MSANTD4: variants seen among roughly 807,000 people sequenced by gnomAD.
The protein encoded by MSANTD4 is myb/SANT-like DNA-binding domain-containing protein 4.
Under a neutral mutation model 34.3 loss-of-function variants are expected in MSANTD4, and 13 were observed. That is an observed-to-expected ratio of 0.38 (90% CI 0.25 to 0.60). MSANTD4 has a LOEUF of 0.60. MSANTD4 is among the 20% of genes least tolerant of loss of function. MSANTD4 has a pLI of 0.63. For missense variants in MSANTD4, 358 were observed against 401.8 expected, an observed-to-expected ratio of 0.89 and a Z score of 0.93; for synonymous variants, 137 against 145.2, an observed-to-expected ratio of 0.94 and a Z score of 0.41.
intron 1 of MSANTD4, among the ~76,000 whole-genome samples, chr11:106,013,427 T>C (rs1312260398): frequency 1.3e-5 from 2 of 152,224 alleles, no homozygotes; most frequent in Non-Finnish European, 2.9e-5. Flanking sequence ...GATACCAGCC[T>C]TTCTATTTAT....
At chr11:106,013,329 C>T (rs1014710983) in intron 1 of MSANTD4, among the ~76,000 whole-genome samples, 1 of 152,128 alleles carries the variant, frequency 6.6e-6, no homozygotes, top group African/African-American at 2.4e-5. Context: ...TGACCTTAAA[C>T]TTTTCCTGTC....
At chr11:106,018,830 A>C (rs1859938744) in intron 1 of MSANTD4, among the ~76,000 whole-genome samples, 1 of 152,232 alleles carries the variant, frequency 6.6e-6, no homozygotes, top group Admixed American at 6.5e-5. Flanking sequence ...TAAGAAGAAA[A>C]GGACTGCTCT....
intron 1 of MSANTD4, among the ~76,000 whole-genome samples, chr11:106,016,183 A>C (rs890905775): frequency 6.6e-6 from 1 of 152,186 alleles, no homozygotes; most frequent in Non-Finnish European, 1.5e-5. Flanking sequence ...ATTTTAGAGG[A>C]TCACATTTAA....
chr11:106,016,988 C>A (rs1859869936), intron 1 of MSANTD4, among the ~76,000 whole-genome samples: 1 of 152,196 alleles, frequency 6.6e-6, no homozygotes, highest in African/African-American at 2.4e-5. Flanking sequence ...TTCCAAAATA[C>A]ACAGAATGTT....
rs191670839 is a variant in MSANTD4 at position 106,008,135 on chromosome 11, C to T, written c.*1400G>A. ...AAAGCTACGTATCAACCTTGAAAAT[C>T]AGAAAACACAAAGTGATCTAGTGCA... On this transcript the variant is annotated 3_prime_UTR_variant, in exon 3 of 3. Transcript: ENST00000301919. 1 of 152,684 alleles carries T rather than the reference C, an allele frequency of 6.5e-6. No homozygotes were observed. Among genetic ancestry groups the T allele is most frequent in the East Asian group, 1.9e-4 (1 of 5,180 alleles). 9.5% of individuals were successfully genotyped at this position (152,684 alleles called of 1,614,324 possible).
intron 1 of MSANTD4, among the ~76,000 whole-genome samples, chr11:106,015,913 G>T (rs1391777777): frequency 6.6e-6 from 1 of 151,990 alleles, no homozygotes; most frequent in Admixed American, 6.6e-5. Flanking sequence ...CCCCAGACTG[G>T]AGTACAGTGG....
At chr11:106,011,360 A>G (rs902085700) in intron 1 of MSANTD4, among the ~76,000 whole-genome samples, 1 of 152,072 alleles carries the variant, frequency 6.6e-6, no homozygotes, top group African/African-American at 2.4e-5. Flanking sequence ...TGCACTGGCC[A>G]TCTTTCAGCC....
chr11:106,017,743 A>T (rs1859894588), intron 1 of MSANTD4, among the ~76,000 whole-genome samples: 1 of 152,228 alleles, frequency 6.6e-6, no homozygotes, highest in African/African-American at 2.4e-5. Context: ...CGATAAAAAA[A>T]TTTAAGAGAA....
At position 106,009,996 on chromosome 11, in the gene MSANTD4, G is replaced by C; in HGVS notation, c.577C>G (p.Pro193Ala). 6.2e-7 allele frequency: 1 copy of C among 1,608,662 alleles called. No individual in the cohort carries two copies. Among genetic ancestry groups the C allele is most frequent in the Non-Finnish European group, 8.5e-7 (1 of 1,179,952 alleles). ...IDEFFTLNST[P>A]SRSAYDEPHL... ...GGCTCATCATATGCAGATCTAGATG[G>C]TGTTGAGTTAAGGGTAAAAAACTCA... Residue 193 changes from proline to alanine, a missense_variant, in exon 3 of 3, where the codon CCA becomes GCA. Coordinates refer to ENST00000301919, the MANE Select transcript of MSANTD4 (RefSeq NM_032424.3).
intron 1 of MSANTD4, among the ~76,000 whole-genome samples, chr11:106,015,024 A>G (rs981796908): frequency 6.6e-6 from 1 of 152,378 alleles, no homozygotes; most frequent in African/African-American, 2.4e-5. Flanking sequence ...AAATTTAATA[A>G]TAAAATTGAA....
chr11:106,014,768 A>G (rs1859799632), intron 1 of MSANTD4, among the ~76,000 whole-genome samples: 2 of 152,198 alleles, frequency 1.3e-5, no homozygotes, highest in South Asian at 2.1e-4. Flanking sequence ...CAACAAATAT[A>G]TGCCCATCAC....
At chr11:106,013,153 TGTAAG>T (rs1859745271) in intron 1 of MSANTD4, among the ~76,000 whole-genome samples, 1 of 152,144 alleles carries the variant, frequency 6.6e-6, no homozygotes, top group Non-Finnish European at 1.5e-5. Flanking sequence ...TTTTAAAAGA[TGTAAG>T]GGGAAACAGG....
chr11:106,017,489 T>C (rs1859885769), intron 1 of MSANTD4, among the ~76,000 whole-genome samples: 1 of 152,164 alleles, frequency 6.6e-6, no homozygotes, highest in Non-Finnish European at 1.5e-5. Context: ...TTATTTAAAG[T>C]CCCATTTTTT....
intron 1 of MSANTD4, among the ~76,000 whole-genome samples, chr11:106,011,863 A>T (rs1002597442): frequency 9.9e-5 from 15 of 152,234 alleles, no homozygotes; most frequent in African/African-American, 3.6e-4. Flanking sequence ...CTGCAAAATC[A>T]ATAAAACTCA....
chr11:106,012,067 GA>G (rs1256792179), intron 1 of MSANTD4, among the ~76,000 whole-genome samples: 4 of 147,908 alleles, frequency 2.7e-5, no homozygotes, highest in African/African-American at 1.0e-4. Context: ...AAATGGCAAG[GA>G]TTTTACCCAG....
At chr11:106,015,643 A>C (rs1859823287) in intron 1 of MSANTD4, among the ~76,000 whole-genome samples, 1 of 152,060 alleles carries the variant, frequency 6.6e-6, no homozygotes, top group South Asian at 2.1e-4. Flanking sequence ...CAGCCATGTC[A>C]TGTTAGGAGC....
In MSANTD4 at chr11:106,010,074, C is replaced by A. The variant is rs764317441; in HGVS notation, c.499G>T (p.Val167Phe). 8 of 1,582,670 alleles carry A rather than the reference C, an allele frequency of 5.1e-6. No homozygotes were observed. In the African/African-American group the frequency reaches 6.8e-5, roughly 13 times the overall value. ...IEEEEEMLSS[V>F]IPDSRRENEL... ...TTTTCTCTCCTGGAATCTGGTATGA[C>A]GGATGACAACATTTCTTCCTCCTCC... is the stretch of plus-strand genomic sequence containing the variant. Residue 167 changes from valine to phenylalanine, a missense_variant, in exon 3 of 3, where the codon GTC (valine) becomes TTC (phenylalanine). Val to Phe is a conservative substitution (Grantham distance 50, BLOSUM62 -1). Coordinates refer to ENST00000301919, the MANE Select transcript of MSANTD4 (RefSeq NM_032424.3).
chr11:106,010,759 C>A lies in MSANTD4; in HGVS notation c.159G>T (p.Gln53His). The A allele has an allele frequency of 6.2e-7, 1 of 1,614,192 alleles. No individual in the cohort carries two copies. The highest frequency in any genetic ancestry group is 1.1e-5 in the South Asian group (1 of 91,080). ...MKRMAWEEIA[Q>H]CVNAVGEGEQ... ...CTCCTTCTCCTACAGCATTCACACACTGTGCAATCTCTTCCCAAGCCATTC... is the reference window on the plus strand; with the variant it reads ...CTCCTTCTCCTACAGCATTCACACAATGTGCAATCTCTTCCCAAGCCATTC... Residue 53 changes from glutamine (Q) to histidine (H), a missense_variant, in exon 2 of 3, where the codon CAG becomes CAT. Gln to His is a conservative substitution (Grantham distance 24). Around this residue, in one of 2 missense-constraint regions of MSANTD4, gnomAD observed 46 missense variants for 84.3 expected, o/e 0.55. Coordinates refer to ENST00000301919, the MANE Select transcript of MSANTD4 (RefSeq NM_032424.3).
chr11:106,010,358 A>G lies in MSANTD4; in HGVS notation c.462+98T>C, dbSNP rs966967067. The G allele has an allele frequency of 1.7e-5, 26 of 1,487,516 alleles. No individual in the cohort carries two copies. In the African/African-American group the frequency reaches 3.4e-4, roughly 19 times the overall value. 92.1% of individuals were successfully genotyped at this position (1,487,516 alleles called of 1,614,324 possible). ...GACTTGTTATGTACTATTTTTAAAT[A>G]AGCTTGAAAATCTTGGAATGTGTTA... On this transcript the variant is annotated intron_variant, in intron 2 of 2. Transcript: ENST00000301919.
Sources: allele counts gnomAD v4.1 joint callset (sites outside exome capture counted in the v4.1 genomes callset), GRCh38; gene constraint gnomAD v4.1.1; regional missense constraint gnomAD v4.1.1; transcripts MANE v1.5; gene names NCBI Gene and HGNC (gene_info 2026-07-23, HGNC 2026-07-21).